The following WASL variants were observed in gnomAD, a reference collection of about 807,000 sequenced individuals.
The protein encoded by WASL is actin nucleation-promoting factor WASL.
WASL carries 20 observed loss-of-function variants against 55.5 expected under a neutral mutation model. The ratio of observed to expected loss-of-function variants is 0.36; its 90% CI spans 0.25 to 0.52. The LOEUF (loss-of-function observed/expected upper bound fraction) is 0.52. Ranked by LOEUF, WASL falls within the 20% of genes least tolerant of loss-of-function variation. The pLI is 0.92. For missense variants in WASL, 504 were observed against 622.5 expected, an observed-to-expected ratio of 0.81 and a Z score of 2.03; for synonymous variants, 249 against 217.6, an observed-to-expected ratio of 1.14 and a Z score of -1.27.
At chr7:123,691,053 A>G (rs1803400536) in intron 9 of WASL, among the ~76,000 whole-genome samples, 1 of 152,210 alleles carries the variant, frequency 6.6e-6, no homozygotes, top group Non-Finnish European at 1.5e-5. Flanking sequence ...AGAGCTAGAT[A>G]TATTTTAAAG....
In WASL at chr7:123,706,789, T is replaced by C; in HGVS notation, c.290A>G (p.Asn97Ser). The C allele has an allele frequency of 1.3e-6, 2 of 1,578,746 alleles. No homozygotes were observed. Among genetic ancestry groups the C allele is most frequent in the East Asian group, 2.3e-5 (1 of 43,094 alleles). The change falls in exon 3 of 11, where the codon AAC (asparagine) becomes AGC (serine). Residue 97 changes from asparagine (N) to serine (S), a missense_variant. Transcript: ENST00000223023. Reference protein sequence around the residue: ...KLLWEQELYNNFVYNSPRGYF... With the variant: ...KLLWEQELYNSFVYNSPRGYF... ...TCCTCTAGGACTATTATATACAAAG[T>C]TATTGTATAGCTCTTGTTCCCACAA... is the stretch of plus-strand genomic sequence containing the variant.
chr7:123,722,864 G>A (rs1004692853), intron 1 of WASL, among the ~76,000 whole-genome samples: 3 of 152,032 alleles, frequency 2.0e-5, no homozygotes, highest in African/African-American at 7.2e-5. Flanking sequence ...ATGAAAGCAA[G>A]AATAAAAATG....
chr7:123,726,207 G>C (rs929380356), intron 1 of WASL, among the ~76,000 whole-genome samples: 4 of 151,860 alleles, frequency 2.6e-5, no homozygotes, highest in African/African-American at 9.7e-5. Flanking sequence ...AAACATATAA[G>C]GTCAATTATT....
At chr7:123,748,575 T>C in intron 1 of WASL, 43 bp downstream of exon 1, 1 of 1,586,792 alleles carries the variant, frequency 6.3e-7, no homozygotes, top group East Asian at 2.3e-5. Flanking sequence ...CCCGGGCCCG[T>C]GAGGTAATGT....
intron 10 of WASL, among the ~76,000 whole-genome samples, chr7:123,686,354 A>G (rs1803288747): frequency 6.6e-6 from 1 of 152,044 alleles, no homozygotes; most frequent in African/African-American, 2.4e-5. Flanking sequence ...ATGCTTCACA[A>G]AATTTACCTG....
At chr7:123,723,083 T>C (rs1232445675) in intron 1 of WASL, among the ~76,000 whole-genome samples, 1 of 152,196 alleles carries the variant, frequency 6.6e-6, no homozygotes, top group Non-Finnish European at 1.5e-5. Flanking sequence ...TAACTTTATT[T>C]AGTTAATACA....
chr7:123,746,025 T>C (rs1476094587), intron 1 of WASL, among the ~76,000 whole-genome samples: 2 of 152,214 alleles, frequency 1.3e-5, no homozygotes, highest in African/African-American at 4.8e-5. Flanking sequence ...TGAGATAGTA[T>C]CCTTGTTTTA....
intron 7 of WASL, 44 bp downstream of exon 7, chr7:123,695,779 T>G (rs1803480240): frequency 6.3e-7 from 1 of 1,583,486 alleles, no homozygotes; most frequent in African/African-American, 1.4e-5. Flanking sequence ...GCCAACACAT[T>G]TCCACATACA....
chr7:123,684,077 T>C lies in WASL; in HGVS notation c.*442A>G, dbSNP rs1803246003. On this transcript the variant is annotated 3_prime_UTR_variant, in exon 11 of 11. Transcript: ENST00000223023. Reference sequence around the variant, plus strand: ...AGCATTGTATTCAAAATAAAGGGGCTAAAGAAACTAAGGTCTGCATCACTT... The same window carrying C: ...AGCATTGTATTCAAAATAAAGGGGCCAAAGAAACTAAGGTCTGCATCACTT... 1 of 152,080 alleles carries C rather than the reference T, an allele frequency of 6.6e-6. No homozygotes were observed. The highest frequency in any genetic ancestry group is 6.6e-5 in the Admixed American group (1 of 15,230). The allele number at this position is 152,080 out of a possible 1,614,324, so 9.4% of individuals were successfully genotyped here.
chr7:123,723,296 T>C (rs1351765136), intron 1 of WASL, among the ~76,000 whole-genome samples: 1 of 152,126 alleles, frequency 6.6e-6, no homozygotes, highest in Non-Finnish European at 1.5e-5. Flanking sequence ...TGTTGGTCAA[T>C]TAAAGAGAAT....
intron 1 of WASL, among the ~76,000 whole-genome samples, chr7:123,716,878 A>G (rs2116799141): frequency 6.6e-6 from 1 of 152,240 alleles, no homozygotes; most frequent in East Asian, 1.9e-4. Context: ...CAATCCCCTC[A>G]TTTTATAGGT....
chr7:123,700,340 A>G (rs1296714128), intron 5 of WASL, among the ~76,000 whole-genome samples: 1 of 152,100 alleles, frequency 6.6e-6, no homozygotes, highest in East Asian at 1.9e-4. Context: ...AAGGACAGTA[A>G]GAGTCAGGTG....
chr7:123,692,796 G>A lies in WASL; in HGVS notation c.898C>T (p.Pro300Ser). ...PPPPPHNSGP[P>S]PPPARGRGAP... ...CCTCTTCCCCTAGCAGGAGGAGGAGGAGGACCTGAGTTGTGTGGAGGGGGA... is the reference window on the plus strand; with the variant it reads ...CCTCTTCCCCTAGCAGGAGGAGGAGAAGGACCTGAGTTGTGTGGAGGGGGA... The change falls in exon 9 of 11, where the codon CCT becomes TCT. Residue 300 changes from proline (P) to serine (S), a missense_variant. Coordinates refer to ENST00000223023, the MANE Select transcript of WASL (RefSeq NM_003941.4). 1 of 1,472,004 alleles carries A rather than the reference G, an allele frequency of 6.8e-7. No homozygotes were observed. Among genetic ancestry groups the A allele is most frequent in the Non-Finnish European group, 9.0e-7 (1 of 1,111,672 alleles). 91.2% of individuals were successfully genotyped at this position (1,472,004 alleles called of 1,614,324 possible). A position where few individuals can be genotyped will look rare whatever the true frequency, so the allele number is the denominator to read the frequency against.
intron 4 of WASL, among the ~76,000 whole-genome samples, chr7:123,705,359 T>TA (rs1803653184): frequency 6.6e-6 from 1 of 152,186 alleles, no homozygotes; most frequent in Non-Finnish European, 1.5e-5. Flanking sequence ...TGAGTGGGGC[T>TA]AAGGTTCAGG....
chr7:123,709,029 T>G, intron 2 of WASL, 60 bp downstream of exon 2: 3 of 1,460,384 alleles, frequency 2.1e-6, no homozygotes, highest in Non-Finnish European at 2.8e-6. Context: ...CTAAACTAAA[T>G]TATAATTGAT....
intron 1 of WASL, among the ~76,000 whole-genome samples, chr7:123,711,080 T>A (rs1197906541): frequency 6.6e-6 from 1 of 152,130 alleles, no homozygotes; most frequent in African/African-American, 2.4e-5. Flanking sequence ...AATGAAGATC[T>A]AAAAATCTCC....
intron 1 of WASL, among the ~76,000 whole-genome samples, chr7:123,745,435 G>A (rs1804415595): frequency 6.6e-6 from 1 of 152,038 alleles, no homozygotes; most frequent in Non-Finnish European, 1.5e-5. Flanking sequence ...AATGTACACT[G>A]GTATCTTCAG....
At chr7:123,717,839 T>A (rs1049965953) in intron 1 of WASL, among the ~76,000 whole-genome samples, 1 of 152,202 alleles carries the variant, frequency 6.6e-6, no homozygotes, top group African/African-American at 2.4e-5. Flanking sequence ...CAACTCATGA[T>A]CTCTTTCAAC....
chr7:123,689,134 T>G lies in WASL; in HGVS notation c.1364A>C (p.Glu455Ala). ...IQLKSVADGQ[E>A]STPPTPAPTS... is the part of the protein sequence containing the mutation. Reference sequence around the variant, plus strand: ...GGGTGCAGGTGTTGGTGGTGTAGACTCTTGGCCATCAGCCACCTTGGAAAA... The same window carrying G: ...GGGTGCAGGTGTTGGTGGTGTAGACGCTTGGCCATCAGCCACCTTGGAAAA... Residue 455 changes from glutamate to alanine, a missense_variant, in exon 10 of 11, where the codon GAG (glutamate) becomes GCG (alanine). By Grantham distance (107) the Glu-to-Ala change is moderately radical. Around this residue, in one of 5 missense-constraint regions of WASL, gnomAD observed 53 missense variants for 69.1 expected, o/e 0.77. Transcript: ENST00000223023. 1 of 1,612,726 alleles carries G rather than the reference T, an allele frequency of 6.2e-7. No homozygotes were observed. The highest frequency in any genetic ancestry group is 8.5e-7 in the Non-Finnish European group (1 of 1,179,174).
Sources: gnomAD v4.1 joint callset for allele counts (sites outside exome capture counted in the v4.1 genomes callset) on GRCh38, gnomAD v4.1.1 for gene constraint, gnomAD v4.1.1 regional missense constraint, MANE v1.5 for transcripts, NCBI Gene and HGNC (gene_info 2026-07-23, HGNC 2026-07-21) for gene names.